The following NDUFAF6 variants were observed in gnomAD, a reference collection of about 807,000 sequenced individuals.
NDUFAF6 encodes NADH:ubiquinone oxidoreductase complex assembly factor 6.
A neutral mutation model predicts 40.8 loss-of-function variants in NDUFAF6; 45 were observed. The ratio of observed to expected loss-of-function variants is 1.10; its 90% CI spans 0.87 to 1.42. NDUFAF6 has a LOEUF of 1.42. Ranked by LOEUF, NDUFAF6 falls within the 40% of genes most tolerant of loss-of-function variation. The pLI, the probability that NDUFAF6 is intolerant of heterozygous loss-of-function variation, is 0.00. For synonymous variants in NDUFAF6, 185 were observed against 155.9 expected, an observed-to-expected ratio of 1.19 and a Z score of -1.39; for missense variants, 435 against 418.5, an observed-to-expected ratio of 1.04 and a Z score of -0.34.
chr8:95,058,494 CAT>C lies in NDUFAF6; in HGVS notation c.*559_*560del. 5.7e-6 allele frequency: 7 copies of C among 1,227,562 alleles called. No homozygotes were observed. The highest frequency in any genetic ancestry group is 7.1e-6 in the Non-Finnish European group (7 of 985,896). 76.0% of individuals were successfully genotyped at this position (1,227,562 alleles called of 1,614,324 possible). The stretch of plus-strand genomic sequence containing the variant: ...TGTAAAAATTTATCCATGATAATAA[CAT>C]AACTTCTTTAAGGTTGGAGTGGCTG... On this transcript the variant is annotated 3_prime_UTR_variant, in exon 9 of 9. Transcript: ENST00000396124.
chr8:94,938,388 G>A (rs1281205409), intron 1 of NDUFAF6, among the ~76,000 whole-genome samples: 8 of 152,252 alleles, frequency 5.3e-5, no homozygotes, highest in South Asian at 2.1e-4. Context: ...ATATATATTC[G>A]GTCTTGTCAG....
intron 9 of NDUFAF6, among the ~76,000 whole-genome samples, chr8:95,074,010 T>C (rs528367594): frequency 6.6e-6 from 1 of 152,342 alleles, no homozygotes; most frequent in African/African-American, 2.4e-5. Context: ...GATAGAGTCC[T>C]TATTTTTAGA....
At chr8:95,000,637 A>AC (rs979828440) in intron 2 of NDUFAF6, among the ~76,000 whole-genome samples, 9 of 151,874 alleles carry the variant, frequency 5.9e-5, no homozygotes, top group African/African-American at 2.2e-4. Context: ...GTAAGCAAAA[A>AC]AAAAAAAAAA....
intron 6 of NDUFAF6, among the ~76,000 whole-genome samples, chr8:95,048,030 CA>C (rs1831006641): frequency 6.6e-6 from 1 of 151,866 alleles, no homozygotes; most frequent in Non-Finnish European, 1.5e-5. Context: ...CCCATCTCTA[CA>C]AAAAATACAA....
chr8:95,068,785 A>G (rs538193622), intron 9 of NDUFAF6: 1 of 151,948 alleles, frequency 6.6e-6, no homozygotes, highest in African/African-American at 2.4e-5. Flanking sequence ...TTCATTGCCA[A>G]ACTTTCTGCC....
At chr8:95,059,225 G>A (rs148244196), downstream of NDUFAF6, among the ~76,000 whole-genome samples, 242 of 152,036 alleles carry the variant, frequency 1.6e-3, 1 homozygote, top group Middle Eastern at 0.031. Context: ...TGCCCCATTC[G>A]GCTCTCTCAT....
intron 2 of NDUFAF6, chr8:94,989,120 A>G (rs1292790791): frequency 6.6e-6 from 1 of 152,216 alleles, no homozygotes; most frequent in African/African-American, 2.4e-5. Flanking sequence ...TACATTTTAA[A>G]TGAGTGAATT....
intron 1 of NDUFAF6, chr8:94,929,108 C>T (rs1820151196): frequency 1.3e-5 from 2 of 152,554 alleles, no homozygotes; most frequent in African/African-American, 2.4e-5. Flanking sequence ...GTGAATCGAA[C>T]CCTGCACCCT....
Position 95,001,758 on chromosome 8 carries a change from G to A in NDUFAF6, c.-84+20785G>A, listed in dbSNP as rs528480014. Among the ~76,000 whole-genome samples the A allele has an allele frequency of 3.3e-5, 5 of 152,324 alleles. No individual in the cohort carries two copies. In the South Asian group the frequency reaches 1.0e-3, roughly 32 times the overall value. The stretch of plus-strand genomic sequence containing the variant: ...CAGGCTGAAGAGGAAATAGTGTGGG[G>A]AAGTTGGATACAATCATGCATTGGA... On this transcript the variant is annotated intron_variant, in intron 2 of 9. Coordinates refer to the NDUFAF6 transcript ENST00000396111.
At chr8:94,930,098 G>C (rs1024388372) in intron 1 of NDUFAF6, 1 of 189,426 alleles carries the variant, frequency 5.3e-6, no homozygotes, top group Non-Finnish European at 1.1e-5. Context: ...ATAAATTTTT[G>C]CTTGCTTAAA....
At chr8:94,930,426 T>C in intron 1 of NDUFAF6, 4 of 1,605,926 alleles carry the variant, frequency 2.5e-6, no homozygotes, top group Non-Finnish European at 3.4e-6. Flanking sequence ...TATACACACA[T>C]CCATACATGT....
chr8:95,086,608 T>C lies in NDUFAF6; in HGVS notation n.213+10856T>C, dbSNP rs112148334. ...TCTCTTTTTTCTTTTCTTTTCTTTT[T>C]TTTTTTTTTTTCGAGACGGAGTTTC... is the stretch of plus-strand genomic sequence containing the variant. On this transcript the variant is annotated intron_variant and non_coding_transcript_variant, in intron 2 of 5. Coordinates refer to the NDUFAF6 transcript ENST00000523184. Among the ~76,000 whole-genome samples the C allele has an allele frequency of 4.0e-4, 60 of 149,618 alleles. 1 individual carries two copies. The highest frequency in any genetic ancestry group is 3.4e-3 in the Middle Eastern group (1 of 292).
intron 1 of NDUFAF6, among the ~76,000 whole-genome samples, chr8:94,919,009 T>G (rs1207033789): frequency 2.0e-5 from 3 of 152,250 alleles, no homozygotes; most frequent in African/African-American, 7.2e-5. Context: ...CTTGAAAAAC[T>G]TAAGTTTTAT....
intron 1 of NDUFAF6, among the ~76,000 whole-genome samples, chr8:94,900,252 G>T (rs1817928999): frequency 6.6e-6 from 1 of 151,898 alleles, no homozygotes; most frequent in African/African-American, 2.4e-5. Flanking sequence ...GGAGGGGAGG[G>T]GGCAGAGGTG....
chr8:95,030,820 G>A (rs1008297954), intron 1 of NDUFAF6, among the ~76,000 whole-genome samples: 1 of 152,196 alleles, frequency 6.6e-6, no homozygotes, highest in African/African-American at 2.4e-5. Flanking sequence ...GGTTCTGCAG[G>A]CTGTGCAAGA....
At chr8:94,967,360 AT>A (rs1479179405) in intron 1 of NDUFAF6, among the ~76,000 whole-genome samples, 1 of 152,184 alleles carries the variant, frequency 6.6e-6, no homozygotes, top group Non-Finnish European at 1.5e-5. Flanking sequence ...CAGGACTCAC[AT>A]TTGCACACAT....
At chr8:94,901,793 C>T (rs1028464238) in intron 1 of NDUFAF6, among the ~76,000 whole-genome samples, 3 of 152,088 alleles carry the variant, frequency 2.0e-5, no homozygotes, top group Non-Finnish European at 4.4e-5. Flanking sequence ...CCATGTTGGC[C>T]AGGCTGGTCT....
chr8:94,948,468 G>C (rs1563738368), intron 2 of NDUFAF6, among the ~76,000 whole-genome samples: 1 of 152,230 alleles, frequency 6.6e-6, no homozygotes, highest in Non-Finnish European at 1.5e-5. Flanking sequence ...TCTTTCCACA[G>C]GTGCAAAGTC....
At chr8:94,979,701 T>G (rs1825253050) in intron 1 of NDUFAF6, among the ~76,000 whole-genome samples, 1 of 152,222 alleles carries the variant, frequency 6.6e-6, no homozygotes, top group South Asian at 2.1e-4. Flanking sequence ...TTGAAAATGT[T>G]TATGACATAA....
Sources: gnomAD v4.1 joint callset for allele counts (sites outside exome capture counted in the v4.1 genomes callset) on GRCh38, gnomAD v4.1.1 for gene constraint, MANE v1.5 for transcripts, NCBI Gene and HGNC (gene_info 2026-07-23, HGNC 2026-07-21) for gene names.